PITPNC1: variants seen among roughly 807,000 people sequenced by gnomAD.
PITPNC1 encodes the protein phosphatidylinositol transfer protein cytoplasmic 1, also known as cytoplasmic phosphatidylinositol transfer protein 1.
Under a neutral mutation model 44.7 loss-of-function variants are expected in PITPNC1, and 18 were observed. That is an observed-to-expected ratio of 0.40 (90% CI 0.28 to 0.60). The LOEUF is 0.60. PITPNC1 is among the 20% of genes least tolerant of loss of function. The pLI is 0.39. For missense variants in PITPNC1, 290 were observed against 418.4 expected (o/e 0.69, Z 2.68); for synonymous variants, 141 against 149.6 (o/e 0.94, Z 0.42).
At chr17:67,637,538 C>T (rs1334727651) in intron 6 of PITPNC1, among the ~76,000 whole-genome samples, 1 of 152,138 alleles carries the variant, frequency 6.6e-6, no homozygotes, top group African/African-American at 2.4e-5. Flanking sequence ...GGGATGAAAG[C>T]ACTTTCCTTT....
intron 5 of PITPNC1, among the ~76,000 whole-genome samples, chr17:67,629,737 T>G (rs2041942664): frequency 6.6e-6 from 1 of 152,254 alleles, no homozygotes; most frequent in African/African-American, 2.4e-5. Flanking sequence ...AACTTGAACT[T>G]GTTTCTCCAC....
chr17:67,410,491 C>T (rs2038478778), intron 1 of PITPNC1, among the ~76,000 whole-genome samples: 1 of 152,134 alleles, frequency 6.6e-6, no homozygotes, highest in Non-Finnish European at 1.5e-5. Context: ...CCGAGTGATC[C>T]TCCCACCTCA....
intron 6 of PITPNC1, among the ~76,000 whole-genome samples, chr17:67,663,990 T>C (rs2042385289): frequency 6.6e-6 from 1 of 152,052 alleles, no homozygotes; most frequent in African/African-American, 2.4e-5. Flanking sequence ...TGAGATGGAG[T>C]CTTGCTCTGT....
intron 1 of PITPNC1, among the ~76,000 whole-genome samples, chr17:67,486,562 G>T (rs2039780881): frequency 6.6e-6 from 1 of 152,184 alleles, no homozygotes; most frequent in Admixed American, 6.5e-5. Flanking sequence ...AAGGACTACA[G>T]ACAGCCTTGT....
At chr17:67,385,401 G>T (rs1037211654) in intron 1 of PITPNC1, among the ~76,000 whole-genome samples, 49 of 152,286 alleles carry the variant, frequency 3.2e-4, no homozygotes, top group African/African-American at 1.1e-3. Context: ...CTGTAAAATG[G>T]AGCAATCAGC....
chr17:67,666,031 CG>C (rs1354096383), intron 6 of PITPNC1, among the ~76,000 whole-genome samples: 2 of 151,844 alleles, frequency 1.3e-5, no homozygotes, highest in African/African-American at 4.8e-5. Context: ...TTAGTAGAGA[CG>C]GGCTTTTACC....
chr17:67,433,564 GTC>G (rs1373187645), intron 1 of PITPNC1, among the ~76,000 whole-genome samples: 1 of 152,134 alleles, frequency 6.6e-6, no homozygotes, highest in African/African-American at 2.4e-5. Context: ...CATAGGGAGA[GTC>G]TGGGTGTGGT....
chr17:67,383,143 T>C (rs2037989907), intron 1 of PITPNC1, among the ~76,000 whole-genome samples: 2 of 151,382 alleles, frequency 1.3e-5, no homozygotes, highest in South Asian at 4.2e-4. Context: ...TTTACAGGCT[T>C]GTACCACCCC....
intron 8 of PITPNC1, among the ~76,000 whole-genome samples, chr17:67,690,015 T>C (rs1203360274): frequency 6.6e-6 from 1 of 152,208 alleles, no homozygotes; most frequent in African/African-American, 2.4e-5. Flanking sequence ...GAATTTTATA[T>C]CTTATCCACA....
At chr17:67,529,399 C>T (rs189479572) in intron 1 of PITPNC1, among the ~76,000 whole-genome samples, 1 of 152,298 alleles carries the variant, frequency 6.6e-6, no homozygotes, top group Admixed American at 6.5e-5. Flanking sequence ...AGGTCCTGGG[C>T]AGTACTTTGG....
chr17:67,391,207 GTTGT>G (rs1333264953), intron 1 of PITPNC1, among the ~76,000 whole-genome samples: 1 of 152,012 alleles, frequency 6.6e-6, no homozygotes, highest in Non-Finnish European at 1.5e-5. Flanking sequence ...TCTTTAGGGT[GTTGT>G]TTCTTTCCTA....
chr17:67,469,779 C>T (rs1205324202), intron 1 of PITPNC1, among the ~76,000 whole-genome samples: 1 of 151,984 alleles, frequency 6.6e-6, no homozygotes, highest in Non-Finnish European at 1.5e-5. Flanking sequence ...AGAACAAAAG[C>T]CACCAAGAGG....
intron 1 of PITPNC1, among the ~76,000 whole-genome samples, chr17:67,482,269 AT>A (rs970189365): frequency 1.2e-4 from 18 of 152,206 alleles, no homozygotes; most frequent in Admixed American, 3.3e-4. Flanking sequence ...TTTTAAATAT[AT>A]GGTTTTAAAG....
At chr17:67,383,845 CCTGA>C (rs1226887187) in intron 1 of PITPNC1, among the ~76,000 whole-genome samples, 14 of 151,772 alleles carry the variant, frequency 9.2e-5, no homozygotes, top group Admixed American at 5.9e-4. Context: ...TTGAGACCAG[CCTGA>C]CTAACATGAG....
At chr17:67,464,519 G>C (rs1435386324) in intron 1 of PITPNC1, among the ~76,000 whole-genome samples, 1 of 152,118 alleles carries the variant, frequency 6.6e-6, no homozygotes, top group Non-Finnish European at 1.5e-5. Flanking sequence ...CTAAGAGGAA[G>C]TCACAAAAGG....
chr17:67,479,354 A>G (rs1470017351), intron 1 of PITPNC1, among the ~76,000 whole-genome samples: 3 of 152,230 alleles, frequency 2.0e-5, no homozygotes, highest in Non-Finnish European at 4.4e-5. Context: ...CAGTCAGGCC[A>G]TAGGTTTTTC....
At chr17:67,498,512 G>T (rs2039985370) in intron 1 of PITPNC1, among the ~76,000 whole-genome samples, 1 of 152,208 alleles carries the variant, frequency 6.6e-6, no homozygotes, top group Non-Finnish European at 1.5e-5. Context: ...ACTTGGGTGT[G>T]CAAATATCTC....
At chr17:67,581,456 G>A (rs1024956510) in intron 5 of PITPNC1, among the ~76,000 whole-genome samples, 13 of 152,192 alleles carry the variant, frequency 8.5e-5, no homozygotes, top group African/African-American at 2.9e-4. Context: ...GGGACCTGCT[G>A]CTTGTCTGCC....
chr17:67,618,329 C>T (rs1461409275), intron 5 of PITPNC1, among the ~76,000 whole-genome samples: 1 of 135,598 alleles, frequency 7.4e-6, no homozygotes, highest in Non-Finnish European at 1.5e-5. Context: ...CGCGCCACTG[C>T]ACTCCAGCCT....
Sources: gnomAD v4.1 joint callset for allele counts (sites outside exome capture counted in the v4.1 genomes callset) on GRCh38, gnomAD v4.1.1 for gene constraint, MANE v1.5 for transcripts, NCBI Gene and HGNC (gene_info 2026-07-23, HGNC 2026-07-21) for gene names.